Variants in CIBAR1 observed in about 807,000 individuals in gnomAD.
The protein encoded by CIBAR1 is CBY1-interacting BAR domain-containing protein 1.
A neutral mutation model predicts 44.0 loss-of-function variants in CIBAR1; 25 were observed. The ratio of observed to expected loss-of-function variants is 0.57; its 90% confidence interval spans 0.41 to 0.79. The LOEUF (loss-of-function observed/expected upper bound fraction) is 0.79. Ranked by LOEUF, CIBAR1 falls within the 30% of genes least tolerant of loss-of-function variation. The probability of loss-of-function intolerance (pLI) is 0.00; values close to 1 mark genes in which losing one functional copy is unlikely to be tolerated. For synonymous variants in CIBAR1, 115 were observed against 119.0 expected (o/e 0.97, Z 0.22); for missense variants, 278 against 344.8 (o/e 0.81, Z 1.53).
At chr8:93,710,152 T>C (rs531029085) in intron 6 of CIBAR1, among the ~76,000 whole-genome samples, 2 of 151,816 alleles carry the variant, frequency 1.3e-5, no homozygotes, top group East Asian at 3.9e-4. Flanking sequence ...TGGCACATGC[T>C]TGTAGACCCA....
chr8:93,704,702 G>T (rs192513432), intron 3 of CIBAR1, among the ~76,000 whole-genome samples: 1 of 152,110 alleles, frequency 6.6e-6, no homozygotes, highest in East Asian at 1.9e-4. Context: ...CTGAAATTGT[G>T]TCATTATTTT....
At chr8:93,724,590 T>C in intron 7 of CIBAR1, 2 of 1,271,122 alleles carry the variant, frequency 1.6e-6, no homozygotes, top group Non-Finnish European at 2.0e-6. Flanking sequence ...CCTCCCAAAG[T>C]GTCAGGTGAG....
intron 7 of CIBAR1, among the ~76,000 whole-genome samples, chr8:93,722,332 C>T (rs1811295708): frequency 6.6e-6 from 1 of 152,194 alleles, no homozygotes; most frequent in Non-Finnish European, 1.5e-5. Context: ...GAGATTTATT[C>T]CAGCTGCAGC....
intron 4 of CIBAR1, 117 bp downstream of exon 4, chr8:93,705,127 T>C (rs1810528912): frequency 7.3e-6 from 5 of 680,904 alleles, no homozygotes; most frequent in South Asian, 2.1e-5. Flanking sequence ...AATATAAAGA[T>C]TGAAAAGAAA....
intron 7 of CIBAR1, among the ~76,000 whole-genome samples, chr8:93,722,528 C>T (rs1811305587): frequency 6.6e-6 from 1 of 152,070 alleles, no homozygotes; most frequent in East Asian, 1.9e-4. Context: ...GAAACTCTGT[C>T]TCTACTAAAG....
chr8:93,712,123 G>A (rs568153905), intron 6 of CIBAR1, among the ~76,000 whole-genome samples: 2 of 152,344 alleles, frequency 1.3e-5, no homozygotes, highest in South Asian at 4.1e-4. Flanking sequence ...ATAATTCACT[G>A]TGCAACTCTG....
At chr8:93,722,473 C>T (rs898106388) in intron 7 of CIBAR1, among the ~76,000 whole-genome samples, 3 of 151,994 alleles carry the variant, frequency 2.0e-5, no homozygotes, top group Non-Finnish European at 4.4e-5. Flanking sequence ...CCGAGGCAGG[C>T]GGATCATGAG....
At position 93,700,558 on chromosome 8, in the gene CIBAR1, GGCGGCTGCTTGCGCCCCAGCGC is replaced by G. The variant is rs1810292073; in HGVS notation, c.-86_-65del. ...GCGAGGGGCGGGCTTTCAGGCTCCC[GGCGGCTGCTTGCGCCCCAGCGC>G]GCGCCCAGGCGCCTTGGAATCCCCG... is the stretch of plus-strand genomic sequence containing the variant. On this transcript the variant is annotated 5_prime_UTR_variant, in exon 1 of 9. Transcript: ENST00000518322. 7.3e-7 allele frequency: 1 copy of G among 1,369,536 alleles called. No homozygotes were observed. The highest frequency in any genetic ancestry group is 3.1e-5 in the East Asian group (1 of 32,268). 84.8% of individuals were successfully genotyped at this position (1,369,536 alleles called of 1,614,324 possible).
At chr8:93,727,032 G>A (rs1256136401) in intron 8 of CIBAR1, 9 of 481,726 alleles carry the variant, frequency 1.9e-5, no homozygotes, top group Non-Finnish European at 3.6e-5. Context: ...GGCTTTGTGG[G>A]CCATATGGTT....
chr8:93,725,380 C>T (rs1439778797), intron 7 of CIBAR1, among the ~76,000 whole-genome samples: 3 of 151,840 alleles, frequency 2.0e-5, no homozygotes, highest in African/African-American at 7.3e-5. Flanking sequence ...ATAGAGAAGC[C>T]AGGACAATGA....
At chr8:93,720,183 C>T (rs1038809302) in intron 7 of CIBAR1, 1 of 152,124 alleles carries the variant, frequency 6.6e-6, no homozygotes, top group African/African-American at 2.4e-5. Context: ...GGGGTTTCAC[C>T]ATGTTGGCCA....
chr8:93,702,293 C>T (rs1205640959), intron 2 of CIBAR1: 2 of 414,480 alleles, frequency 4.8e-6, no homozygotes, highest in Admixed American at 5.6e-5. Context: ...ATGTGGAGTT[C>T]TTGTCATGAA....
intron 6 of CIBAR1, chr8:93,715,282 C>G (rs184653241): frequency 6.6e-6 from 1 of 151,990 alleles, no homozygotes; most frequent in Non-Finnish European, 1.5e-5. Context: ...TTCACAGTTA[C>G]AAAAAAGGTA....
chr8:93,706,790 A>T (rs1810600200), intron 4 of CIBAR1, among the ~76,000 whole-genome samples: 1 of 152,198 alleles, frequency 6.6e-6, no homozygotes, highest in African/African-American at 2.4e-5. Context: ...GTATTTTGAC[A>T]ACCTGAGACC....
intron 5 of CIBAR1, among the ~76,000 whole-genome samples, chr8:93,709,376 T>C (rs548547928): frequency 1.3e-5 from 2 of 152,238 alleles, no homozygotes; most frequent in South Asian, 4.1e-4. Context: ...AAATGGCTAA[T>C]GGAGAGAGAG....
chr8:93,722,660 A>G (rs1046285408), intron 7 of CIBAR1, among the ~76,000 whole-genome samples: 4 of 152,024 alleles, frequency 2.6e-5, no homozygotes, highest in East Asian at 1.9e-4. Flanking sequence ...GAGTGTGCCA[A>G]TTGCACTCCA....
chr8:93,706,622 T>G (rs1057158899), intron 4 of CIBAR1, among the ~76,000 whole-genome samples: 2 of 152,184 alleles, frequency 1.3e-5, no homozygotes, highest in African/African-American at 4.8e-5. Flanking sequence ...TTTTTCTGAC[T>G]TGGATGCTGT....
chr8:93,710,580 TC>T (rs1810783630), intron 6 of CIBAR1, among the ~76,000 whole-genome samples: 1 of 152,114 alleles, frequency 6.6e-6, no homozygotes, highest in Non-Finnish European at 1.5e-5. Flanking sequence ...ACACCTGTAA[TC>T]CCAGCACTTT....
rs1810352523 is a variant in CIBAR1, at chr8:93,701,470, G to A, written c.261+12G>A. The A allele has an allele frequency of 6.2e-7, 1 of 1,606,164 alleles. No individual in the cohort carries two copies. Among genetic ancestry groups the A allele is most frequent in the African/African-American group, 1.3e-5 (1 of 74,872 alleles). ...ATCGACAAGCAGAGGTATGGAGTGA[G>A]ATCACAGTGTCATTGTTATGAATGA... On this transcript the variant is annotated intron_variant, in intron 2 of 8. Transcript: ENST00000518322.
Sources: allele counts gnomAD v4.1 joint callset (sites outside exome capture counted in the v4.1 genomes callset), GRCh38; gene constraint gnomAD v4.1.1; transcripts MANE v1.5; gene names NCBI Gene and HGNC (gene_info 2026-07-23, HGNC 2026-07-21).